CACNA1E: variants seen among roughly 807,000 people sequenced by gnomAD.
CACNA1E encodes the protein calcium voltage-gated channel subunit alpha1 E, also known as voltage-dependent R-type calcium channel subunit alpha-1E.
Under a neutral mutation model 259.2 loss-of-function variants are expected in CACNA1E, and 40 were observed. That is an observed-to-expected ratio of 0.15 (90% confidence interval 0.12 to 0.20). CACNA1E has a LOEUF of 0.20. CACNA1E is among the 10% of genes least tolerant of loss of function. The pLI is 1.00. For missense variants in CACNA1E, 1,874 were observed against 3,040.1 expected (o/e 0.62, Z 9.02); for synonymous variants, 1,104 against 1,138.5 (o/e 0.97, Z 0.61).
intron 43 of CACNA1E, among the ~76,000 whole-genome samples, 193 bp from the exon 44 acceptor site, chr1:181,790,252 A>T (rs1661177327): frequency 6.6e-6 from 1 of 150,668 alleles, no homozygotes; most frequent in African/African-American, 2.4e-5. Context: ...CAAAGGCAGG[A>T]TGCAGGTTGA....
At chr1:181,767,532 T>C (rs182650285) in intron 35 of CACNA1E, among the ~76,000 whole-genome samples, 114 of 152,380 alleles carry the variant, frequency 7.5e-4, no homozygotes, top group African/African-American at 2.6e-3. Context: ...CCAACTGTGT[T>C]GCCACCTGGA....
intron 7 of CACNA1E, among the ~76,000 whole-genome samples, chr1:181,707,593 C>T (rs1652918435): frequency 6.6e-6 from 1 of 152,082 alleles, no homozygotes; most frequent in Non-Finnish European, 1.5e-5. Flanking sequence ...ATGACATACC[C>T]CATTCTTCAT....
At chr1:181,457,268 C>G (rs1558018978) in intron 2 of CACNA1E, among the ~76,000 whole-genome samples, 2 of 152,214 alleles carry the variant, frequency 1.3e-5, no homozygotes, top group African/African-American at 2.4e-5. Flanking sequence ...GGGGGCTCCA[C>G]CCTTATGACC....
chr1:181,615,266 C>A (rs1187781434), intron 6 of CACNA1E, among the ~76,000 whole-genome samples: 2 of 152,190 alleles, frequency 1.3e-5, no homozygotes, highest in Non-Finnish European at 2.9e-5. Context: ...TCTCGGCTCA[C>A]TGCAACCTCT....
At chr1:181,462,896 G>A (rs1185352560) in intron 2 of CACNA1E, among the ~76,000 whole-genome samples, 3 of 152,030 alleles carry the variant, frequency 2.0e-5, no homozygotes, top group Admixed American at 6.6e-5. Context: ...TTCTTAATTC[G>A]CTTCCCTTCT....
intron 3 of CACNA1E, among the ~76,000 whole-genome samples, chr1:181,570,824 C>T (rs1650334573): frequency 6.6e-6 from 1 of 152,240 alleles, no homozygotes; most frequent in Non-Finnish European, 1.5e-5. Flanking sequence ...TTTCCACCAC[C>T]AGATCCTTAA....
At chr1:181,405,327 T>C (rs1657387593) in intron 1 of CACNA1E, among the ~76,000 whole-genome samples, 1 of 152,244 alleles carries the variant, frequency 6.6e-6, no homozygotes, top group African/African-American at 2.4e-5. Flanking sequence ...GCATTGCAGA[T>C]GCCATTGTCT....
Position 181,803,790 on chromosome 1 carries a change from A to C in CACNA1E, c.*4956A>C, listed in dbSNP as rs1572936906. On this transcript the variant is annotated 3_prime_UTR_variant, in exon 48 of 48. Coordinates refer to ENST00000367573, the MANE Select transcript of CACNA1E (RefSeq NM_001205293.3). ...ATCCCAGAGAGGTCACACCAAGCCA[A>C]AGAGAAAAAATTCATAGATTGTCCC... The C allele has an allele frequency of 6.6e-6, 1 of 152,192 alleles. No individual in the cohort carries two copies. The highest frequency in any genetic ancestry group is 1.9e-4 in the East Asian group (1 of 5,196). 9.4% of individuals were successfully genotyped at this position (152,192 alleles called of 1,614,324 possible). A position where few individuals can be genotyped will look rare whatever the true frequency, so the allele number is the denominator to read the frequency against.
chr1:181,393,211 A>T (rs1305686051), intron 1 of CACNA1E, among the ~76,000 whole-genome samples: 1 of 152,200 alleles, frequency 6.6e-6, no homozygotes, highest in African/African-American at 2.4e-5. Flanking sequence ...TGGCTCTACC[A>T]ATTACCAGTT....
At chr1:181,368,202 C>A (rs1364011223) in intron 1 of CACNA1E, among the ~76,000 whole-genome samples, 1 of 151,502 alleles carries the variant, frequency 6.6e-6, no homozygotes, top group East Asian at 1.9e-4. Context: ...TGCACTCCAG[C>A]CTGGGTGACA....
intron 6 of CACNA1E, among the ~76,000 whole-genome samples, chr1:181,590,397 A>G (rs1304369051): frequency 1.3e-5 from 1 of 77,532 alleles, no homozygotes; most frequent in Non-Finnish European, 3.0e-5. Context: ...AGTGGAGTCA[A>G]TTACAAAAAA....
At chr1:181,571,007 A>G (rs1650354412) in intron 3 of CACNA1E, among the ~76,000 whole-genome samples, 1 of 152,098 alleles carries the variant, frequency 6.6e-6, no homozygotes, top group Non-Finnish European at 1.5e-5. Context: ...ACCTTTTTGG[A>G]GGGAGGGAGC....
At chr1:181,565,428 G>A (rs562276259) in intron 3 of CACNA1E, among the ~76,000 whole-genome samples, 1 of 152,254 alleles carries the variant, frequency 6.6e-6, no homozygotes, top group South Asian at 2.1e-4. Context: ...TCTCACTGTA[G>A]CCAGTTTTCT....
intron 2 of CACNA1E, among the ~76,000 whole-genome samples, chr1:181,471,624 G>T (rs1662516428): frequency 6.6e-6 from 1 of 152,014 alleles, no homozygotes; most frequent in Non-Finnish European, 1.5e-5. Context: ...AGAAAAAAAT[G>T]TAATTAATTT....
At chr1:181,562,126 T>A (rs1227159678) in intron 3 of CACNA1E, among the ~76,000 whole-genome samples, 1 of 152,170 alleles carries the variant, frequency 6.6e-6, no homozygotes, top group Non-Finnish European at 1.5e-5. Flanking sequence ...ATTTTTAAAT[T>A]TTTTGCTATT....
intron 21 of CACNA1E, among the ~76,000 whole-genome samples, chr1:181,734,381 A>C (rs1042425536): frequency 1.3e-5 from 2 of 151,896 alleles, no homozygotes; most frequent in African/African-American, 2.4e-5. Flanking sequence ...ACAGCCAAAA[A>C]AAAAAGCACT....
chr1:181,359,962 G>T (rs753789862), intron 1 of CACNA1E, among the ~76,000 whole-genome samples: 11 of 152,092 alleles, frequency 7.2e-5, no homozygotes, highest in Non-Finnish European at 1.6e-4. Flanking sequence ...CTACATTGCT[G>T]CCCAGCCTTA....
intron 1 of CACNA1E, among the ~76,000 whole-genome samples, chr1:181,319,472 C>A (rs1456593682): frequency 1.3e-5 from 2 of 152,194 alleles, no homozygotes; most frequent in Non-Finnish European, 2.9e-5. Context: ...ACTGTAAATA[C>A]GTGGGTCTTG....
intron 6 of CACNA1E, among the ~76,000 whole-genome samples, chr1:181,609,080 TCTTC>T (rs1178147515): frequency 6.6e-6 from 1 of 152,244 alleles, no homozygotes; most frequent in Non-Finnish European, 1.5e-5. Context: ...AGAACATTTT[TCTTC>T]CTTAGCACCT....
Sources: allele counts gnomAD v4.1 joint callset (sites outside exome capture counted in the v4.1 genomes callset), GRCh38; gene constraint gnomAD v4.1.1; transcripts MANE v1.5; gene names NCBI Gene and HGNC (gene_info 2026-07-23, HGNC 2026-07-21).